CA8: variants seen among roughly 807,000 people sequenced by gnomAD.
CA8 encodes the protein carbonic anhydrase-related protein.
In CA8, 22 loss-of-function variants were observed where a neutral mutation model predicts 41.4. The observed-to-expected ratio is 0.53, with a 90% CI of 0.38 to 0.76. CA8 has a LOEUF of 0.76. CA8 is among the 30% of genes least tolerant of loss of function. The pLI, the probability that CA8 is intolerant of heterozygous loss-of-function variation, is 0.00. For missense variants in CA8, 270 were observed against 352.8 expected, an observed-to-expected ratio of 0.77 and a Z score of 1.88; for synonymous variants, 121 against 130.6, an observed-to-expected ratio of 0.93 and a Z score of 0.50.
intron 7 of CA8, among the ~76,000 whole-genome samples, chr8:60,219,772 A>G (rs1195183042): frequency 6.6e-6 from 1 of 152,060 alleles, no homozygotes; most frequent in East Asian, 1.9e-4. Context: ...TACCTGTGTC[A>G]ACCAGGCAAA....
intron 7 of CA8, among the ~76,000 whole-genome samples, chr8:60,219,122 C>T (rs1353186360): frequency 6.6e-6 from 1 of 151,746 alleles, no homozygotes; most frequent in Non-Finnish European, 1.5e-5. Flanking sequence ...CTTCTCTGTA[C>T]ATATTCTTTT....
At chr8:60,215,771 G>A (rs1806998968) in intron 7 of CA8, among the ~76,000 whole-genome samples, 1 of 152,190 alleles carries the variant, frequency 6.6e-6, no homozygotes, top group African/African-American at 2.4e-5. Flanking sequence ...GACAATGTAT[G>A]ATGGGCTTAA....
chr8:60,226,850 T>C, intron 5 of CA8, 23 bp downstream of exon 5: 1 of 1,433,254 alleles, frequency 7.0e-7, no homozygotes, highest in Non-Finnish European at 9.8e-7. Context: ...AGTATTTCTA[T>C]ATTATTTTAA....
rs1170159068 is a variant in CA8, at chr8:60,232,459, T to C, written c.418-80A>G. 4.2e-6 allele frequency: 4 copies of C among 957,302 alleles called. No homozygotes were observed. In the African/African-American group the frequency reaches 4.8e-5, roughly 12 times the overall value. The allele number at this position is 957,302 out of a possible 1,614,324, so 59.3% of individuals were successfully genotyped here. A position where few individuals can be genotyped will look rare whatever the true frequency, so the allele number is the denominator to read the frequency against. ...AAAAGCAAAGATATAGCCATTTCTT[T>C]ACTATTTCTATATGGTATCACATAC... On this transcript the variant is annotated intron_variant, in intron 3 of 8. Coordinates refer to ENST00000317995, the MANE Select transcript of CA8 (RefSeq NM_004056.6).
chr8:60,256,499 G>A (rs1052534666), intron 3 of CA8, among the ~76,000 whole-genome samples: 6 of 152,112 alleles, frequency 3.9e-5, no homozygotes, highest in African/African-American at 1.2e-4. Context: ...AGCTAAAAGA[G>A]AAAATGTATT....
Position 60,222,846 on chromosome 8 carries a change from CAA to C in CA8, c.626-87_626-86del, listed in dbSNP as rs1807299455. ...ACTCCAACAACAATTTTCAAAATTACAAACTGTCCAAATGATGCTTCTAAGAT... is the reference window on the plus strand; with the variant it reads ...ACTCCAACAACAATTTTCAAAATTACACTGTCCAAATGATGCTTCTAAGAT... On this transcript the variant is annotated intron_variant, in intron 6 of 8. Transcript: ENST00000317995. The C allele has an allele frequency of 2.5e-5, 20 of 807,578 alleles. 1 individual carries two copies. The South Asian group carries it at 2.8e-4, about 11-fold the overall frequency. The allele number at this position is 807,578 out of a possible 1,614,324, so 50.0% of individuals were successfully genotyped here.
chr8:60,231,633 T>A (rs1178660295), intron 4 of CA8, among the ~76,000 whole-genome samples: 1 of 152,204 alleles, frequency 6.6e-6, no homozygotes, highest in Non-Finnish European at 1.5e-5. Context: ...CTTTCACCTC[T>A]AAATCTTTTA....
At chr8:60,271,025 C>T (rs1284298106) in intron 2 of CA8, among the ~76,000 whole-genome samples, 6 of 152,062 alleles carry the variant, frequency 3.9e-5, no homozygotes, top group Non-Finnish European at 5.9e-5. Context: ...TTCAAATGCA[C>T]CAAAATTAGC....
At chr8:60,194,113 G>GA (rs1554574164) in intron 8 of CA8, among the ~76,000 whole-genome samples, 6 of 148,824 alleles carry the variant, frequency 4.0e-5, no homozygotes, top group Admixed American at 1.3e-4. Flanking sequence ...ATAGCACCCT[G>GA]TTTTTTTTGT....
Position 60,219,086 on chromosome 8 carries a change from T to C in CA8, c.738+3563A>G, listed in dbSNP as rs117264107. Among the ~76,000 whole-genome samples, 572 of 152,218 alleles carry C rather than the reference T, an allele frequency of 3.8e-3. 2 individuals carry two copies. The highest frequency in any genetic ancestry group is 0.012 in the African/African-American group (499 of 41,526). On this transcript the variant is annotated intron_variant, in intron 7 of 8. Transcript: ENST00000317995. Reference sequence around the variant, plus strand: ...CTCAGGAAAGTGCCTCAGGGGACTGTATGCTCCCATCCTCACTACTTGACT... The same window carrying C: ...CTCAGGAAAGTGCCTCAGGGGACTGCATGCTCCCATCCTCACTACTTGACT...
intron 7 of CA8, among the ~76,000 whole-genome samples, chr8:60,217,099 G>T (rs946210053): frequency 2.0e-5 from 3 of 152,048 alleles, no homozygotes; most frequent in African/African-American, 7.2e-5. Flanking sequence ...GGCCAGGCAG[G>T]TCTCTAACTC....
At chr8:60,239,923 G>A (rs1393668456) in intron 3 of CA8, among the ~76,000 whole-genome samples, 1 of 152,176 alleles carries the variant, frequency 6.6e-6, no homozygotes, top group East Asian at 1.9e-4. Context: ...GGCCTCCTCA[G>A]CCACGTGGAA....
intron 8 of CA8, among the ~76,000 whole-genome samples, chr8:60,190,957 T>TATATATATATATATATATATATACACAG (rs1554573722): frequency 9.6e-6 from 1 of 104,192 alleles, no homozygotes; most frequent in Non-Finnish European, 2.1e-5. Flanking sequence ...TATATATATA[T>TATATATATATATATATATATATACACAG]ACACACACAC....
chr8:60,186,950 G>T lies in CA8; in HGVS notation c.*3071C>A, dbSNP rs1414701509. On this transcript the variant is annotated 3_prime_UTR_variant, in exon 9 of 9. Coordinates refer to ENST00000317995, the MANE Select transcript of CA8 (RefSeq NM_004056.6). ...TAGGCATATCAACAAGGAAATAGAAGACTTGAACAACACAACAGGCCAACA... is the reference window on the plus strand; with the variant it reads ...TAGGCATATCAACAAGGAAATAGAATACTTGAACAACACAACAGGCCAACA... Among the ~76,000 whole-genome samples the T allele has an allele frequency of 6.6e-6, 1 of 151,878 alleles. No homozygotes were observed. Among genetic ancestry groups the T allele is most frequent in the Non-Finnish European group, 1.5e-5 (1 of 67,892 alleles).
chr8:60,233,157 G>T (rs576439681), intron 3 of CA8, among the ~76,000 whole-genome samples: 4 of 152,158 alleles, frequency 2.6e-5, no homozygotes, highest in Non-Finnish European at 4.4e-5. Flanking sequence ...TATAATAGTA[G>T]GTAGGTAAAC....
At chr8:60,199,223 T>C (rs1806358616) in intron 8 of CA8, among the ~76,000 whole-genome samples, 2 of 152,208 alleles carry the variant, frequency 1.3e-5, no homozygotes, top group African/African-American at 2.4e-5. Flanking sequence ...AGATTTTTTT[T>C]CCCTTTGGGC....
At chr8:60,271,255 T>C (rs143494770) in intron 2 of CA8, among the ~76,000 whole-genome samples, 240 of 152,114 alleles carry the variant, frequency 1.6e-3, no homozygotes, top group African/African-American at 5.6e-3. Flanking sequence ...GGTGGGCAGA[T>C]TGCTTGAGCC....
At chr8:60,217,554 T>A (rs562772297) in intron 7 of CA8, among the ~76,000 whole-genome samples, 1 of 152,306 alleles carries the variant, frequency 6.6e-6, no homozygotes, top group South Asian at 2.1e-4. Context: ...CTGAATGATT[T>A]CCTCTTCTAC....
At chr8:60,271,602 A>C (rs1169065050) in intron 2 of CA8, among the ~76,000 whole-genome samples, 1 of 152,162 alleles carries the variant, frequency 6.6e-6, no homozygotes, top group Non-Finnish European at 1.5e-5. Context: ...CCAGAAATAA[A>C]ATATCCTAAT....
Sources: allele counts gnomAD v4.1 joint callset (sites outside exome capture counted in the v4.1 genomes callset), GRCh38; gene constraint gnomAD v4.1.1; transcripts MANE v1.5; gene names NCBI Gene and HGNC (gene_info 2026-07-23, HGNC 2026-07-21).